The following COL4A5 variants were observed in gnomAD, a reference collection of about 807,000 sequenced individuals.
The protein encoded by COL4A5 is collagen alpha-5(IV) chain.
In COL4A5, 26 loss-of-function variants were observed where a neutral mutation model predicts 130.2. The observed-to-expected ratio is 0.20, with a 90% CI of 0.15 to 0.28. COL4A5 has a LOEUF of 0.28. Ranked by LOEUF, COL4A5 falls within the 10% of genes least tolerant of loss-of-function variation. The probability of loss-of-function intolerance (pLI) is 1.00; values close to 1 mark genes in which losing one functional copy is unlikely to be tolerated. For missense variants in COL4A5, 1,131 were observed against 1,344.3 expected (o/e 0.84, Z 2.48); for synonymous variants, 496 against 439.6 (o/e 1.13, Z -1.60).
chrX:108,515,873 T>C (rs759525348), intron 1 of COL4A5, among the ~76,000 whole-genome samples: 1 of 111,693 alleles, frequency 9.0e-6, no homozygotes, highest in South Asian at 3.7e-4. Context: ...ACTGCATTTT[T>C]TTTTCTGTTG....
intron 1 of COL4A5, among the ~76,000 whole-genome samples, chrX:108,473,633 A>ATATATATATATATTTTTTTTTT: frequency 5.8e-5 from 2 of 34,560 alleles, no homozygotes; most frequent in African/African-American, 2.2e-4. Context: ...ATATATATAT[A>ATATATATATATATTTTTTTTTT]TTTTTTTTTT....
chrX:108,472,149 C>T (rs2064778347), intron 1 of COL4A5, among the ~76,000 whole-genome samples: 1 of 110,310 alleles, frequency 9.1e-6, no homozygotes, highest in South Asian at 3.7e-4. Flanking sequence ...GTGAAATTTC[C>T]AGCTTTCTTC....
At chrX:108,620,741 C>T (rs1364502609) in intron 31 of COL4A5, among the ~76,000 whole-genome samples, 1 of 112,059 alleles carries the variant, frequency 8.9e-6, no homozygotes, top group Admixed American at 9.4e-5. Flanking sequence ...CTCTAACCCA[C>T]GTTGCCCCAG....
chrX:108,646,838 A>G (rs1159318300), intron 36 of COL4A5, among the ~76,000 whole-genome samples: 1 of 111,074 alleles, frequency 9.0e-6, no homozygotes, highest in Non-Finnish European at 1.9e-5. Flanking sequence ...TAAATAGGGA[A>G]TCCTTTCCCC....
At chrX:108,691,533 TTAA>T (rs1367967855) in intron 49 of COL4A5, among the ~76,000 whole-genome samples, 2 of 111,136 alleles carry the variant, frequency 1.8e-5, no homozygotes, top group Admixed American at 9.6e-5. Flanking sequence ...CAGTTGTGAA[TTAA>T]TAATAACAAT....
In COL4A5 at chrX:108,697,529, A is replaced by T. The variant is rs915057091; in HGVS notation, c.*1151A>T. On this transcript the variant is annotated 3_prime_UTR_variant, in exon 53 of 53. Coordinates refer to ENST00000328300, the MANE Select transcript of COL4A5 (RefSeq NM_033380.3). ...CCCACCAATATAAATTTAATTAAAG[A>T]TATATGTTGTAAGGATGGTCTGTTG... 3.1e-4 allele frequency: 34 copies of T among 111,228 alleles called. No individual in the cohort carries two copies. The highest frequency in any genetic ancestry group is 1.1e-3 in the African/African-American group (34 of 30,628). 9.2% of individuals were successfully genotyped at this position (111,228 alleles called of 1,213,427 possible).
At position 108,460,656 on chromosome X, in the gene COL4A5, ATTTTTTTTTTTTTTT is replaced by A. The variant is rs751991149; in HGVS notation, c.81+20467_81+20481del. The stretch of plus-strand genomic sequence containing the variant: ...AGATGCCTGCCACCACGCCTGGCAA[ATTTTTTTTTTTTTTT>A]TTTTTTTTTTTTTTTTAGTAGAGAT... On this transcript the variant is annotated intron_variant, in intron 1 of 52. Coordinates refer to ENST00000328300, the MANE Select transcript of COL4A5 (RefSeq NM_033380.3). 2.3e-3 allele frequency among the ~76,000 whole-genome samples: 90 copies of A among 39,456 alleles called. 1 individual carries two copies. Among genetic ancestry groups the A allele is most frequent in the Non-Finnish European group, 3.1e-3 (70 of 22,347 alleles). The allele number at this position is 39,456 out of a possible 115,157, so 34.3% of individuals were successfully genotyped here.
intron 6 of COL4A5, 191 bp downstream of exon 6, chrX:108,569,012 A>T (rs781494259): frequency 6.4e-5 from 27 of 421,498 alleles, no homozygotes; most frequent in African/African-American, 6.2e-4. Flanking sequence ...ATGTATAATT[A>T]GCTGGGATAT....
chrX:108,497,597 T>C (rs2065045866), intron 1 of COL4A5, among the ~76,000 whole-genome samples: 1 of 111,621 alleles, frequency 9.0e-6, no homozygotes, highest in African/African-American at 3.3e-5. Context: ...CTTTAGCAAT[T>C]AGTTGAAATG....
At chrX:108,569,815 G>A (rs1014974765) in intron 6 of COL4A5, among the ~76,000 whole-genome samples, 1 of 110,275 alleles carries the variant, frequency 9.1e-6, no homozygotes, top group African/African-American at 3.3e-5. Context: ...GAGCAGCTGG[G>A]ATTACAGGCA....
intron 6 of COL4A5, chrX:108,569,051 C>A: frequency 2.8e-6 from 1 of 356,516 alleles, no homozygotes; most frequent in East Asian, 4.3e-5. Context: ...ACTTACCAAA[C>A]CCTTTTTTGA....
At chrX:108,590,410 A>G (rs997928175) in intron 19 of COL4A5, among the ~76,000 whole-genome samples, 1 of 111,473 alleles carries the variant, frequency 9.0e-6, no homozygotes, top group African/African-American at 3.2e-5. Context: ...ATTATTAAAT[A>G]ATATAAAATT....
At chrX:108,493,369 T>G (rs757465952) in intron 1 of COL4A5, among the ~76,000 whole-genome samples, 1 of 111,735 alleles carries the variant, frequency 8.9e-6, no homozygotes, top group Non-Finnish European at 1.9e-5. Context: ...ATGAATGATG[T>G]CAAAGAGAAA....
intron 49 of COL4A5, among the ~76,000 whole-genome samples, chrX:108,692,360 A>T (rs2068651234): frequency 9.0e-6 from 1 of 111,273 alleles, no homozygotes; most frequent in African/African-American, 3.3e-5. Context: ...CATACTGAGG[A>T]AGTCTTAGAA....
rs746952142 is a variant in COL4A5 at position 108,646,149 on chromosome X, T to C, written c.3247-9182T>C. On this transcript the variant is annotated intron_variant, in intron 36 of 52. Transcript: ENST00000328300. The stretch of plus-strand genomic sequence containing the variant: ...TTCTAGTTCTAGAACCCTGAGGAAT[T>C]GCCACACTGACTTCCACAATGGTTG... Among the ~76,000 whole-genome samples, 45 of 111,089 alleles carry C rather than the reference T, an allele frequency of 4.1e-4. No homozygotes were observed. In the South Asian group the frequency reaches 0.016, roughly 40 times the overall value.
intron 1 of COL4A5, among the ~76,000 whole-genome samples, chrX:108,459,976 A>G (rs781535768): frequency 3.0e-3 from 336 of 112,308 alleles, no homozygotes; most frequent in African/African-American, 0.01. Flanking sequence ...TTTTAAAAAA[A>G]TATAATTTGG....
chrX:108,524,818 T>C (rs113718961), intron 1 of COL4A5, among the ~76,000 whole-genome samples: 16 of 112,242 alleles, frequency 1.4e-4, no homozygotes, highest in South Asian at 1.1e-3. Context: ...TTTCTGTTAT[T>C]GATTTCTAAT....
intron 21 of COL4A5, among the ~76,000 whole-genome samples, chrX:108,593,983 C>T (rs1237051396): frequency 1.8e-5 from 2 of 111,862 alleles, no homozygotes; most frequent in Non-Finnish European, 3.8e-5. Context: ...CCTAATTGCC[C>T]ATGACTTCCA....
At chrX:108,468,793 A>G (rs1168306057) in intron 1 of COL4A5, among the ~76,000 whole-genome samples, 1 of 107,439 alleles carries the variant, frequency 9.3e-6, no homozygotes, top group African/African-American at 3.4e-5. Flanking sequence ...TTTTGCCTCT[A>G]TTTTTACAGG....
Sources: gnomAD v4.1 joint callset for allele counts (sites outside exome capture counted in the v4.1 genomes callset) on GRCh38, gnomAD v4.1.1 for gene constraint, MANE v1.5 for transcripts, NCBI Gene and HGNC (gene_info 2026-07-23, HGNC 2026-07-21) for gene names.